Variants in CECR2 observed in about 807,000 individuals in gnomAD.
The protein encoded by CECR2 is chromatin remodeling regulator CECR2.
A neutral mutation model predicts 154.5 loss-of-function variants in CECR2; 30 were observed. That is an observed-to-expected ratio of 0.19 (90% CI 0.15 to 0.26). The LOEUF (loss-of-function observed/expected upper bound fraction) is 0.26. Ranked by LOEUF, CECR2 falls within the 10% of genes least tolerant of loss-of-function variation. CECR2 has a pLI of 1.00. For synonymous variants in CECR2, 725 were observed against 683.7 expected (o/e 1.06, Z -0.94); for missense variants, 1,743 against 1,829.3 (o/e 0.95, Z 0.86).
Position 17,548,767 on chromosome 22 carries a change from A to G in CECR2, c.3480A>G (p.Pro1160=). ...SPASHPQHFP[P]RGFQSNHPHS... is the part of the protein sequence containing the mutation. ...CATCCCATCCCCAGCATTTTCCCCC[A>G]AGGGGCTTTCAGTCTAACCACCCAC... The change falls in exon 17 of 19, where the codon CCA becomes CCG. Residue 1160 remains proline, a synonymous_variant. Coordinates refer to ENST00000262608, the MANE Select transcript of CECR2 (RefSeq NM_001290047.2). 1 of 1,613,616 alleles carries G rather than the reference A, an allele frequency of 6.2e-7. No homozygotes were observed.
At position 17,540,779 on chromosome 22, in the gene CECR2, G is replaced by A; in HGVS notation, c.1863G>A (p.Gln621=). 2.5e-6 allele frequency: 4 copies of A among 1,582,744 alleles called. No individual in the cohort carries two copies. Among genetic ancestry groups the A allele is most frequent in the Non-Finnish European group, 3.4e-6 (4 of 1,163,950 alleles). ...TGCATTGTGGTGGGACACCCAGCCA[G>A]GCACCCTTTTTAAACCAGATGGTAA... is the stretch of plus-strand genomic sequence containing the variant. ...HPLHCGGTPS[Q]APFLNQMRPA... is the part of the protein sequence containing the mutation. Residue 621 remains glutamine (Q), a synonymous_variant, in exon 14 of 19, where the codon CAG becomes CAA. Coordinates refer to ENST00000262608, the MANE Select transcript of CECR2 (RefSeq NM_001290047.2).
chr22:17,520,369 A>G (rs1157693248), intron 8 of CECR2, among the ~76,000 whole-genome samples: 1 of 152,064 alleles, frequency 6.6e-6, no homozygotes, highest in African/African-American at 2.4e-5. Context: ...TTCTCTTTCA[A>G]TGAAATCTTC....
intron 1 of CECR2, among the ~76,000 whole-genome samples, chr22:17,376,887 C>G (rs761521753): frequency 2.0e-5 from 3 of 152,114 alleles, no homozygotes; most frequent in Non-Finnish European, 4.4e-5. Flanking sequence ...CCACCCTCCT[C>G]GGCCTCCCAA....
chr22:17,422,473 G>A (rs1331679739), intron 1 of CECR2, among the ~76,000 whole-genome samples: 4 of 152,222 alleles, frequency 2.6e-5, no homozygotes, highest in Non-Finnish European at 4.4e-5. Flanking sequence ...AAAGTGCTGG[G>A]ATCCCATGCC....
In CECR2 at chr22:17,421,442, C is replaced by T. The variant is rs557146532; in HGVS notation, c.126+51533C>T. ...CATCCCGGCTAAAATGGTGAAACCC[C>T]GTCTCTACTAAAAATACAAAAAATT... is the stretch of plus-strand genomic sequence containing the variant. On this transcript the variant is annotated intron_variant, in intron 1 of 18. Coordinates refer to ENST00000262608, the MANE Select transcript of CECR2 (RefSeq NM_001290047.2). Among the ~76,000 whole-genome samples the T allele has an allele frequency of 5.9e-4, 89 of 151,970 alleles. 4 individuals carry two copies. The South Asian group carries it at 0.018, about 30-fold the overall frequency.
chr22:17,368,575 T>G (rs2063016983), upstream of CECR2, among the ~76,000 whole-genome samples: 1 of 152,164 alleles, frequency 6.6e-6, no homozygotes, highest in Admixed American at 6.5e-5. Context: ...CCAACACCCT[T>G]CGGCCGTAGC....
At chr22:17,512,210 G>A (rs375441756) in intron 8 of CECR2, among the ~76,000 whole-genome samples, 6 of 151,966 alleles carry the variant, frequency 3.9e-5, no homozygotes, top group Non-Finnish European at 7.4e-5. Flanking sequence ...GCTGGGCAAC[G>A]GAAGGAGAAT....
chr22:17,414,823 G>A (rs1181766141), intron 1 of CECR2, among the ~76,000 whole-genome samples: 2 of 152,116 alleles, frequency 1.3e-5, no homozygotes, highest in South Asian at 4.2e-4. Flanking sequence ...AGTGGGAGTG[G>A]ATTATAGCTA....
At chr22:17,530,958 G>A (rs1486468440) in intron 9 of CECR2, among the ~76,000 whole-genome samples, 1 of 152,174 alleles carries the variant, frequency 6.6e-6, no homozygotes, top group Non-Finnish European at 1.5e-5. Flanking sequence ...CTGGAGTGAT[G>A]AAAAGATACT....
chr22:17,402,108 C>G (rs546780015), intron 1 of CECR2, among the ~76,000 whole-genome samples: 4 of 152,028 alleles, frequency 2.6e-5, no homozygotes, highest in African/African-American at 4.8e-5. Context: ...CTCAGCCTCC[C>G]GAGTAGCTGG....
chr22:17,465,727 C>G (rs2055021180), intron 1 of CECR2, among the ~76,000 whole-genome samples: 1 of 152,052 alleles, frequency 6.6e-6, no homozygotes. Context: ...TCGTGATCCC[C>G]CCGCCTCAGC....
chr22:17,478,415 G>A (rs2055247038), intron 2 of CECR2, among the ~76,000 whole-genome samples: 1 of 149,666 alleles, frequency 6.7e-6, no homozygotes, highest in Non-Finnish European at 1.5e-5. Flanking sequence ...GAGTGCAGTG[G>A]CGCAATCCCG....
chr22:17,464,994 T>TA (rs1332684019), intron 1 of CECR2, among the ~76,000 whole-genome samples: 1 of 114,126 alleles, frequency 8.8e-6, no homozygotes, highest in Non-Finnish European at 1.7e-5. Flanking sequence ...CATCAATATT[T>TA]AAATTTTTTT....
intron 13 of CECR2, 36 bp from the exon 14 acceptor site, chr22:17,540,376 C>T (rs2056503120): frequency 6.8e-7 from 1 of 1,466,510 alleles, no homozygotes; most frequent in Non-Finnish European, 9.0e-7. Context: ...TTTCTGTAAA[C>T]TATACCTAGA....
At chr22:17,422,166 TTGAA>T (rs748547792) in intron 1 of CECR2, among the ~76,000 whole-genome samples, 2 of 152,130 alleles carry the variant, frequency 1.3e-5, no homozygotes, top group Non-Finnish European at 2.9e-5. Flanking sequence ...TTTCTGTAGT[TTGAA>T]TGTGACATGC....
intron 16 of CECR2, among the ~76,000 whole-genome samples, chr22:17,544,964 C>T (rs972909542): frequency 2.6e-5 from 4 of 151,946 alleles, no homozygotes; most frequent in Non-Finnish European, 5.9e-5. Context: ...AGAGCAAAAC[C>T]ATGTCTCAAT....
chr22:17,390,451 T>G (rs73153492), intron 1 of CECR2, among the ~76,000 whole-genome samples: 1 of 152,120 alleles, frequency 6.6e-6, no homozygotes, highest in Non-Finnish European at 1.5e-5. Context: ...TTTTCTCTTA[T>G]AATTAACAAG....
chr22:17,516,302 A>ATATG (rs995753077), intron 8 of CECR2, among the ~76,000 whole-genome samples: 2 of 151,676 alleles, frequency 1.3e-5, no homozygotes, highest in Admixed American at 6.6e-5. Context: ...TATACATTTT[A>ATATG]TATGTATATA....
chr22:17,451,228 A>T (rs930459055), intron 1 of CECR2, among the ~76,000 whole-genome samples: 1 of 152,200 alleles, frequency 6.6e-6, no homozygotes, highest in Non-Finnish European at 1.5e-5. Flanking sequence ...TTGAATCTTC[A>T]CTTCAATTGG....
Sources: allele counts gnomAD v4.1 joint callset (sites outside exome capture counted in the v4.1 genomes callset), GRCh38; gene constraint gnomAD v4.1.1; transcripts MANE v1.5; gene names NCBI Gene and HGNC (gene_info 2026-07-23, HGNC 2026-07-21).